MCF2L: variants seen among roughly 807,000 people sequenced by gnomAD.
MCF2L encodes MCF.2 cell line derived transforming sequence like.
In MCF2L, 97 loss-of-function variants were observed where a neutral mutation model predicts 153.4. The ratio of observed to expected loss-of-function variants is 0.63; its 90% CI spans 0.54 to 0.75. The LOEUF (loss-of-function observed/expected upper bound fraction) is 0.75, where lower values mean the gene tolerates loss of function less well. Among genes scored for constraint, MCF2L ranks in the 30% least tolerant of loss-of-function variants. The pLI is 0.00. For synonymous variants in MCF2L, 659 were observed against 632.2 expected, an observed-to-expected ratio of 1.04 and a Z score of -0.64; for missense variants, 1,347 against 1,495.2, an observed-to-expected ratio of 0.90 and a Z score of 1.64.
chr13:113,010,977 C>T (rs1237107744), intron 1 of MCF2L, among the ~76,000 whole-genome samples: 1 of 152,200 alleles, frequency 6.6e-6, no homozygotes, highest in Non-Finnish European at 1.5e-5. Flanking sequence ...TAGACTGGAA[C>T]TTTTAAAGAA....
At chr13:112,976,820 CG>C (rs2082231648) in intron 1 of MCF2L, among the ~76,000 whole-genome samples, 1 of 152,194 alleles carries the variant, frequency 6.6e-6, no homozygotes, top group African/African-American at 2.4e-5. Context: ...TCCTGGGCAG[CG>C]GGAAACCTGG....
At chr13:112,939,515 A>G (rs1194790961) in intron 2 of MCF2L, among the ~76,000 whole-genome samples, 1 of 152,142 alleles carries the variant, frequency 6.6e-6, no homozygotes, top group Non-Finnish European at 1.5e-5. Context: ...AACCACAAAC[A>G]TACTCTCCAG....
At chr13:113,055,977 A>T (rs1278639029) in intron 4 of MCF2L, among the ~76,000 whole-genome samples, 1 of 152,100 alleles carries the variant, frequency 6.6e-6, no homozygotes, top group Admixed American at 6.5e-5. Context: ...CCCCTCCCTC[A>T]TCCACTCCGC....
chr13:113,086,040 C>G, intron 20 of MCF2L, 84 bp from the exon 21 acceptor site: 2 of 1,441,316 alleles, frequency 1.4e-6, no homozygotes, highest in Non-Finnish European at 1.9e-6. Flanking sequence ...ATCCCTACCT[C>G]GTGCCAAGCT....
rs551812863 is a variant in MCF2L, at chr13:112,978,247, C to A, written c.79+8789C>A. Among the ~76,000 whole-genome samples the A allele has an allele frequency of 2.0e-5, 3 of 152,340 alleles. No homozygotes were observed. The East Asian group carries it at 5.8e-4, about 29-fold the overall frequency. On this transcript the variant is annotated intron_variant, in intron 1 of 29. Transcript: ENST00000535094. The stretch of plus-strand genomic sequence containing the variant: ...GGTCTCTGCTCCTGGGTGGCTGAGA[C>A]ATCGATCCCATCACCCTGCTTTCCT...
At chr13:112,927,536 G>T (rs1299773037) in intron 2 of MCF2L, among the ~76,000 whole-genome samples, 1 of 152,088 alleles carries the variant, frequency 6.6e-6, no homozygotes, top group Admixed American at 6.5e-5. Flanking sequence ...GCAAGTGCAA[G>T]ACTAAAAGGT....
intron 27 of MCF2L, 43 bp downstream of exon 27, chr13:113,094,678 C>G (rs1566889633): frequency 1.3e-6 from 2 of 1,586,682 alleles, no homozygotes; most frequent in African/African-American, 2.7e-5. Context: ...GGGGGCTGCC[C>G]TCCGGGGATT....
At chr13:112,928,526 C>T (rs1222799433) in intron 2 of MCF2L, among the ~76,000 whole-genome samples, 1 of 152,186 alleles carries the variant, frequency 6.6e-6, no homozygotes, top group Non-Finnish European at 1.5e-5. Context: ...GGAACTATGT[C>T]CATATCTTTC....
At position 113,045,785 on chromosome 13, in the gene MCF2L, C is replaced by G. The variant is rs112410172; in HGVS notation, c.369+424C>G. 0.045 allele frequency: 10,430 copies of G among 232,622 alleles called. 319 individuals are homozygous for G. The highest frequency in any genetic ancestry group is 0.1 in the South Asian group (1,406 of 13,918). The allele number at this position is 232,622 out of a possible 1,614,324, so 14.4% of individuals were successfully genotyped here. ...CCCTTCCCCAGTGGGATTGAACATG[C>G]ACTTCCTCTTACACAAAGCACAACA... On this transcript the variant is annotated intron_variant, in intron 4 of 29. Transcript: ENST00000535094. This position sits in a 1 kb window ranked among gnomAD's most constrained non-coding sequence, Gnocchi z 4.2.
chr13:113,044,415 G>A lies in MCF2L; in HGVS notation c.279-856G>A, dbSNP rs145735319. ...CTTGTTAATGATGCTCACAGAGAGC[G>A]GCCACGCCCATAGACTGCATAATTT... is the stretch of plus-strand genomic sequence containing the variant. On this transcript the variant is annotated intron_variant, in intron 3 of 29. Coordinates refer to ENST00000535094, the MANE Select transcript of MCF2L (RefSeq NM_001112732.3). The A allele has an allele frequency of 1.7e-3, 727 of 421,064 alleles. 1 individual carries two copies. The highest frequency in any genetic ancestry group is 7.5e-3 in the African/African-American group (372 of 49,302). 26.1% of individuals were successfully genotyped at this position (421,064 alleles called of 1,614,324 possible).
At chr13:112,923,430 AT>A (rs2081373646) in intron 2 of MCF2L, among the ~76,000 whole-genome samples, 3 of 151,198 alleles carry the variant, frequency 2.0e-5, no homozygotes, top group South Asian at 4.2e-4. Context: ...CGCCTGGCTA[AT>A]TTTTTTGTAT....
intron 26 of MCF2L, among the ~76,000 whole-genome samples, chr13:113,093,361 C>G (rs1595037389): frequency 6.6e-6 from 1 of 152,374 alleles, no homozygotes; most frequent in Admixed American, 6.5e-5. Context: ...AGGCAAAGCA[C>G]CCGGGTGGGG....
At chr13:113,096,508 A>G (rs932671422) in intron 28 of MCF2L, 25 bp downstream of exon 28, 2 of 1,581,290 alleles carry the variant, frequency 1.3e-6, no homozygotes, top group Non-Finnish European at 1.7e-6. Flanking sequence ...TCAGCCCCGG[A>G]CTGCCCCGCA....
rs1429841357 is a variant in MCF2L, at chr13:112,951,142, G to A, written c.169+48771G>A. On this transcript the variant is annotated intron_variant, in intron 2 of 29. Transcript: ENST00000375608. The surrounding 1 kb of genome is among the most constrained non-coding windows in gnomAD (Gnocchi z 4.8). ...AGTCAATAGTAGCCAGTGGAGAAGT[G>A]CAAGACCTGGGTACCACTGCACACC... 6.6e-6 allele frequency among the ~76,000 whole-genome samples: 1 copy of A among 152,188 alleles called. No individual in the cohort carries two copies. Among genetic ancestry groups the A allele is most frequent in the Non-Finnish European group, 1.5e-5 (1 of 68,036 alleles).
At chr13:113,089,938 G>T (rs2142077292) in intron 26 of MCF2L, 1 of 1,597,500 alleles carries the variant, frequency 6.3e-7, no homozygotes, top group South Asian at 1.1e-5. Flanking sequence ...CATCAGCAAG[G>T]CCAGCCCCAG....
In MCF2L at chr13:112,998,636, C is replaced by T. The variant is rs573816199; in HGVS notation, c.80-16127C>T. ...TGGGGAACGGCTGTGTGTCTGGCAT[C>T]GACTTGGCCTGGACTTGGCTTCTCT... On this transcript the variant is annotated intron_variant, in intron 1 of 29. Coordinates refer to ENST00000535094, the MANE Select transcript of MCF2L (RefSeq NM_001112732.3). Among the ~76,000 whole-genome samples, 7 of 152,326 alleles carry T rather than the reference C, an allele frequency of 4.6e-5. No individual in the cohort carries two copies. In the East Asian group the frequency reaches 9.6e-4, roughly 21 times the overall value.
chr13:112,944,199 T>G (rs1594364359), intron 2 of MCF2L, among the ~76,000 whole-genome samples: 4 of 123,192 alleles, frequency 3.2e-5, no homozygotes, highest in Non-Finnish European at 3.4e-5. Context: ...GAGGGGAGAG[T>G]CCCGGGCCGT....
At chr13:112,970,949 C>G (rs973904358) in intron 1 of MCF2L, among the ~76,000 whole-genome samples, 1 of 152,148 alleles carries the variant, frequency 6.6e-6, no homozygotes, top group African/African-American at 2.4e-5. Context: ...CATGCTTCAC[C>G]AGGACTTTCA....
rs941902910 is a variant in MCF2L at position 112,941,900 on chromosome 13, T to C, written c.169+39529T>C. Among the ~76,000 whole-genome samples the C allele has an allele frequency of 2.0e-5, 3 of 151,792 alleles. No individual in the cohort carries two copies. Among genetic ancestry groups the C allele is most frequent in the Non-Finnish European group, 4.4e-5 (3 of 67,944 alleles). On this transcript the variant is annotated intron_variant, in intron 2 of 29. Coordinates refer to the MCF2L transcript ENST00000375608. This position sits in a 1 kb window ranked among gnomAD's most constrained non-coding sequence, Gnocchi z 4.9. The stretch of plus-strand genomic sequence containing the variant: ...GTGAGAAGTGATCAGAAGACAAGAG[T>C]GCGAGCCTTCTATTATGCACAGACA...
Sources: allele counts gnomAD v4.1 joint callset (sites outside exome capture counted in the v4.1 genomes callset), GRCh38; gene constraint gnomAD v4.1.1; non-coding constraint Gnocchi (gnomAD v3.1); transcripts MANE v1.5; gene names NCBI Gene and HGNC (gene_info 2026-07-23, HGNC 2026-07-21).